BCL2L14: variants seen among roughly 807,000 people sequenced by gnomAD.
The protein encoded by BCL2L14 is apoptosis facilitator Bcl-2-like protein 14.
Under a neutral mutation model 35.3 loss-of-function variants are expected in BCL2L14, and 27 were observed. The ratio of observed to expected loss-of-function variants is 0.76; its 90% CI spans 0.56 to 1.05. BCL2L14 has a LOEUF of 1.05. Among genes scored for constraint, BCL2L14 ranks in the 50% least tolerant of loss-of-function variants. BCL2L14 has a pLI of 0.00. For missense variants in BCL2L14, 377 were observed against 382.6 expected (o/e 0.99, Z 0.12); for synonymous variants, 139 against 145.9 (o/e 0.95, Z 0.34).
At chr12:12,080,396 A>G (rs544393626) in intron 2 of BCL2L14, among the ~76,000 whole-genome samples, 3 of 151,796 alleles carry the variant, frequency 2.0e-5, no homozygotes, top group Non-Finnish European at 4.4e-5. Context: ...TGAGGTGGGC[A>G]GATCATAAGG....
chr12:12,051,024 T>C (rs1176733032), intron 1 of BCL2L14, among the ~76,000 whole-genome samples: 1 of 148,198 alleles, frequency 6.7e-6, no homozygotes, highest in Non-Finnish European at 1.5e-5. Context: ...CTGAAAGGTT[T>C]TAGAATTTAA....
At chr12:12,078,963 AT>A (rs1228339654) in intron 1 of BCL2L14, among the ~76,000 whole-genome samples, 8 of 152,076 alleles carry the variant, frequency 5.3e-5, no homozygotes, top group African/African-American at 1.7e-4. Flanking sequence ...TGCCTGGCTA[AT>A]TTTTGTATCT....
chr12:12,079,974 G>A (rs1948874836), intron 2 of BCL2L14, among the ~76,000 whole-genome samples: 1 of 152,218 alleles, frequency 6.6e-6, no homozygotes, highest in Non-Finnish European at 1.5e-5. Flanking sequence ...GGAGGCCAAG[G>A]CGGGTGGATC....
intron 5 of BCL2L14, 47 bp from the exon 6 acceptor site, chr12:12,098,901 CAA>C (rs1387475452): frequency 2.3e-6 from 3 of 1,333,334 alleles, no homozygotes. Context: ...GTTTTCACTT[CAA>C]CAGTAAATCT....
At chr12:12,050,186 A>G (rs551578292) in intron 1 of BCL2L14, among the ~76,000 whole-genome samples, 7 of 152,286 alleles carry the variant, frequency 4.6e-5, no homozygotes, top group African/African-American at 1.4e-4. Flanking sequence ...TGATGTAAAG[A>G]GACCTAGATG....
At chr12:12,062,018 C>A (rs28820421) in intron 2 of BCL2L14, among the ~76,000 whole-genome samples, 72 of 151,812 alleles carry the variant, frequency 4.7e-4, no homozygotes, top group African/African-American at 1.7e-3. Context: ...TAGCCTAGCC[C>A]TCATGTCTCC....
chr12:12,096,320 T>C (rs545525799), intron 5 of BCL2L14: 6 of 271,976 alleles, frequency 2.2e-5, no homozygotes, highest in Non-Finnish European at 2.8e-5. Flanking sequence ...TAAAATACCA[T>C]AAATATGCTA....
intron 3 of BCL2L14, 52 bp from the exon 4 acceptor site, chr12:12,090,727 A>G: frequency 6.9e-7 from 1 of 1,456,558 alleles, no homozygotes; most frequent in Non-Finnish European, 9.6e-7. Flanking sequence ...GGAAAAATGT[A>G]AGATTATTTT....
At chr12:12,062,234 A>G (rs1472275235) in intron 2 of BCL2L14, among the ~76,000 whole-genome samples, 4 of 150,194 alleles carry the variant, frequency 2.7e-5, no homozygotes, top group East Asian at 1.9e-4. Flanking sequence ...CCGGACTTCA[A>G]TCTGGCCTCC....
intron 2 of BCL2L14, among the ~76,000 whole-genome samples, chr12:12,057,486 G>A (rs948431982): frequency 6.6e-6 from 1 of 152,128 alleles, no homozygotes; most frequent in Non-Finnish European, 1.5e-5. Flanking sequence ...AGCCGGGCTC[G>A]GTGGCTCACG....
At chr12:12,061,029 G>T (rs144029589) in intron 2 of BCL2L14, among the ~76,000 whole-genome samples, 2,091 of 96,980 alleles carry the variant, frequency 0.022, 110 homozygotes, top group African/African-American at 0.081. Context: ...AACTGTTGTG[G>T]GTATTGATGG....
upstream of BCL2L14, among the ~76,000 whole-genome samples, chr12:12,069,403 A>T (rs1948631450): frequency 1.3e-5 from 2 of 152,106 alleles, no homozygotes; most frequent in African/African-American, 2.4e-5. Context: ...CCCCAAAAAA[A>T]GGTTGCAAGT....
Position 12,079,341 on chromosome 12 carries a change from C to A in BCL2L14, c.36C>A (p.Ile12=), listed in dbSNP as rs1948856906. The A allele has an allele frequency of 5.0e-6, 8 of 1,614,056 alleles. No individual in the cohort carries two copies. Among genetic ancestry groups the A allele is most frequent in the Non-Finnish European group, 6.8e-6 (8 of 1,179,974 alleles). Reference sequence around the variant, plus strand: ...CCAGTGGGTGTGACCTGGAAGAAATCCCCCTAGATGATGATGACCTAAACA... The same window carrying A: ...CCAGTGGGTGTGACCTGGAAGAAATACCCCTAGATGATGATGACCTAAACA... The part of the protein sequence containing the change: ...CSTSGCDLEE[I]PLDDDDLNTI... The change falls in exon 2 of 6, where the codon ATC becomes ATA. Residue 12 remains isoleucine, a synonymous_variant. Transcript: ENST00000308721.
intron 2 of BCL2L14, among the ~76,000 whole-genome samples, chr12:12,065,772 C>A (rs963328277): frequency 6.6e-6 from 1 of 151,600 alleles, no homozygotes; most frequent in African/African-American, 2.4e-5. Context: ...ACATGGGGAG[C>A]AGAGAGTTTC....
chr12:12,065,057 T>C (rs1948577971), intron 2 of BCL2L14, among the ~76,000 whole-genome samples: 1 of 152,130 alleles, frequency 6.6e-6, no homozygotes, highest in African/African-American at 2.4e-5. Flanking sequence ...CCCTCCTAGG[T>C]TTTTTGGCTG....
intron 2 of BCL2L14, among the ~76,000 whole-genome samples, chr12:12,052,080 T>C (rs1948365334): frequency 6.6e-6 from 1 of 151,810 alleles, no homozygotes; most frequent in East Asian, 1.9e-4. Flanking sequence ...TTCTTCTTCC[T>C]TTGTTTTTCG....
intron 1 of BCL2L14, among the ~76,000 whole-genome samples, chr12:12,078,386 C>T (rs555128802): frequency 6.7e-6 from 1 of 148,984 alleles, no homozygotes; most frequent in African/African-American, 2.6e-5. Flanking sequence ...CTTTTGCCAC[C>T]TCCCCAGCAA....
chr12:12,058,855 G>A (rs555153038), intron 2 of BCL2L14, among the ~76,000 whole-genome samples: 22 of 152,280 alleles, frequency 1.4e-4, no homozygotes, highest in African/African-American at 3.4e-4. Flanking sequence ...TCTTTGCTCC[G>A]TGAGAAAGAT....
At chr12:12,071,879 G>C (rs1035117010) in intron 1 of BCL2L14, 11 of 152,768 alleles carry the variant, frequency 7.2e-5, no homozygotes, top group African/African-American at 2.4e-4. Context: ...CAGAAGGCAC[G>C]AAGAGCCTGA....
Sources: gnomAD v4.1 joint callset for allele counts (sites outside exome capture counted in the v4.1 genomes callset) on GRCh38, gnomAD v4.1.1 for gene constraint, MANE v1.5 for transcripts, NCBI Gene and HGNC (gene_info 2026-07-23, HGNC 2026-07-21) for gene names.